CD209: variants seen among roughly 807,000 people sequenced by gnomAD.
CD209 encodes CD209 molecule, also known as CD209 antigen.
A neutral mutation model predicts 44.7 loss-of-function variants in CD209; 31 were observed. The observed-to-expected ratio is 0.69, with a 90% confidence interval of 0.52 to 0.94. The LOEUF is 0.94. Ranked by LOEUF, CD209 falls within the 40% of genes least tolerant of loss-of-function variation. CD209 has a pLI of 0.00. For missense variants in CD209, 407 were observed against 452.4 expected (o/e 0.90, Z 0.91); for synonymous variants, 173 against 181.3 (o/e 0.95, Z 0.37).
Position 7,740,917 on chromosome 19 carries a change from T to A in CD209, c.*2122A>T. ...ACATGGCAAAACCCGGAACCCCCCCTTGGATTTCAGAGTCATGGAGAAGGA... is the reference window on the plus strand; with the variant it reads ...ACATGGCAAAACCCGGAACCCCCCCATGGATTTCAGAGTCATGGAGAAGGA... On this transcript the variant is annotated 3_prime_UTR_variant, in exon 7 of 7. Coordinates refer to ENST00000315599, the MANE Select transcript of CD209 (RefSeq NM_021155.4). 1 of 729,822 alleles carries A rather than the reference T, an allele frequency of 1.4e-6. No homozygotes were observed. The highest frequency in any genetic ancestry group is 2.5e-6 in the Non-Finnish European group (1 of 398,226). 45.2% of individuals were successfully genotyped at this position (729,822 alleles called of 1,614,324 possible).
At chr19:7,745,199 A>T (rs929553977) in intron 4 of CD209, 107 bp from the exon 5 acceptor site, 1 of 1,444,826 alleles carries the variant, frequency 6.9e-7, no homozygotes, top group African/African-American at 1.4e-5. Flanking sequence ...TTGACTGTCC[A>T]CGCCGGGTAG....
In CD209 at chr19:7,741,104, G is replaced by A; in HGVS notation, c.*1935C>T. The stretch of plus-strand genomic sequence containing the variant: ...AGGGATGACTATGACTCCGAAGCAA[G>A]CCTGGAGTACAGCGAGGAAGAAACC... On this transcript the variant is annotated 3_prime_UTR_variant, in exon 7 of 7. Coordinates refer to ENST00000315599, the MANE Select transcript of CD209 (RefSeq NM_021155.4). The A allele has an allele frequency of 9.8e-7, 1 of 1,022,718 alleles. No individual in the cohort carries two copies. 63.4% of individuals were successfully genotyped at this position (1,022,718 alleles called of 1,614,324 possible). A position where few individuals can be genotyped will look rare whatever the true frequency, so the allele number is the denominator to read the frequency against.
chr19:7,744,294 G>T, intron 5 of CD209, 75 bp from the exon 6 acceptor site: 2 of 1,154,556 alleles, frequency 1.7e-6, no homozygotes, highest in Non-Finnish European at 2.6e-6. Flanking sequence ...TCTCTTGGTA[G>T]GAAGTTCTGC....
In CD209 at chr19:7,743,263, G is replaced by T. The variant is rs764405668; in HGVS notation, c.1014-23C>A. ...AAGCTGCAAAGCCCATGCGGAATGT[G>T]AGCCTCTGTCCCCGCCAGCTACATG... On this transcript the variant is annotated intron_variant, in intron 6 of 6. Coordinates refer to ENST00000315599, the MANE Select transcript of CD209 (RefSeq NM_021155.4). 1.9e-6 allele frequency: 3 copies of T among 1,603,830 alleles called. No individual in the cohort carries two copies. The Admixed American group carries it at 5.0e-5, about 27-fold the overall frequency.
chr19:7,743,198 C>T lies in CD209; in HGVS notation c.1056G>A (p.Gly352=). 6.2e-7 allele frequency: 1 copy of T among 1,614,144 alleles called. No individual in the cohort carries two copies. Among genetic ancestry groups the T allele is most frequent in the Non-Finnish European group, 8.5e-7 (1 of 1,180,008 alleles). Reference sequence around the variant, plus strand: ...CACTAAATTCCGCGCAGTCTTCCTCCCCAACGTTGTTGGGCTCTCCTCTGT... The same window carrying T: ...CACTAAATTCCGCGCAGTCTTCCTCTCCAACGTTGTTGGGCTCTCCTCTGT... ...YWNRGEPNNV[G]EEDCAEFSGN... is the part of the protein sequence containing the mutation. The change falls in exon 7 of 7, where the codon GGG becomes GGA. Residue 352 remains glycine (G), a synonymous_variant. Coordinates refer to ENST00000315599, the MANE Select transcript of CD209 (RefSeq NM_021155.4).
At position 7,740,972 on chromosome 19, in the gene CD209, C is replaced by A; in HGVS notation, c.*2067G>T. 1.4e-6 allele frequency: 1 copy of A among 707,500 alleles called. No individual in the cohort carries two copies. 43.8% of individuals were successfully genotyped at this position (707,500 alleles called of 1,614,324 possible). On this transcript the variant is annotated 3_prime_UTR_variant, in exon 7 of 7. Coordinates refer to ENST00000315599, the MANE Select transcript of CD209 (RefSeq NM_021155.4). Reference sequence around the variant, plus strand: ...GTTAATTGTCCCTTCTACAGTAAAACAGGAGCTTGCAGATTTGGAGATAGA... The same window carrying A: ...GTTAATTGTCCCTTCTACAGTAAAAAAGGAGCTTGCAGATTTGGAGATAGA...
At chr19:7,744,879 C>T in intron 5 of CD209, 62 bp downstream of exon 5, 1 of 1,596,666 alleles carries the variant, frequency 6.3e-7, no homozygotes, top group Non-Finnish European at 8.6e-7. Context: ...CTCTGAGCAC[C>T]TCCTCCCCAG....
intron 4 of CD209, among the ~76,000 whole-genome samples, 182 bp from the exon 5 acceptor site, chr19:7,745,274 C>T (rs1396688410): frequency 2.0e-5 from 3 of 152,152 alleles, no homozygotes; most frequent in East Asian, 1.9e-4. Flanking sequence ...AGTCCTGGCC[C>T]CATCTCCTCC....
Position 7,740,753 on chromosome 19 carries a change from G to A in CD209, c.*2286C>T. The A allele has an allele frequency of 1.3e-6, 1 of 764,640 alleles. No homozygotes were observed. Among genetic ancestry groups the A allele is most frequent in the South Asian group, 1.4e-5 (1 of 73,446 alleles). The allele number at this position is 764,640 out of a possible 1,614,324, so 47.4% of individuals were successfully genotyped here. ...TGGCTAGAAAACGGCAAGAACAAGA[G>A]CGAAAGTTAAAGGAACAATGGGAAG... On this transcript the variant is annotated 3_prime_UTR_variant, in exon 7 of 7. Transcript: ENST00000315599.
At position 7,742,393 on chromosome 19, in the gene CD209, G is replaced by T. The variant is rs1490747892; in HGVS notation, c.*646C>A. The stretch of plus-strand genomic sequence containing the variant: ...AATCACTTGAACCCGGGAGGCAGAG[G>T]TTGCAGTGAGCCAAGATCGCGCCAT... On this transcript the variant is annotated 3_prime_UTR_variant, in exon 7 of 7. Transcript: ENST00000315599. 2 of 152,552 alleles carry T rather than the reference G, an allele frequency of 1.3e-5. No individual in the cohort carries two copies. Among genetic ancestry groups the T allele is most frequent in the African/African-American group, 4.8e-5 (2 of 41,402 alleles). 9.4% of individuals were successfully genotyped at this position (152,552 alleles called of 1,614,324 possible).
At chr19:7,746,841 G>C (rs187012361) in intron 2 of CD209, among the ~76,000 whole-genome samples, 105 of 150,120 alleles carry the variant, frequency 7.0e-4, no homozygotes, top group African/African-American at 2.5e-3. Context: ...CACCTCCCCA[G>C]GACCCAGGGA....
chr19:7,743,968 C>T, intron 6 of CD209, 139 bp downstream of exon 6: 2 of 690,758 alleles, frequency 2.9e-6, no homozygotes, highest in Non-Finnish European at 4.9e-6. Context: ...GGTATGAAGA[C>T]CACCTTCCTC....
Position 7,741,708 on chromosome 19 carries a change from T to A in CD209, c.*1331A>T, listed in dbSNP as rs2033620620. ...CCAGTGGCTCGGTGGAAAATGATGA[T>A]TTGTGGTTTATTTGAAATACAACAA... is the stretch of plus-strand genomic sequence containing the variant. On this transcript the variant is annotated 3_prime_UTR_variant, in exon 7 of 7. Transcript: ENST00000315599. 2.9e-6 allele frequency: 2 copies of A among 689,884 alleles called. No homozygotes were observed. Among genetic ancestry groups the A allele is most frequent in the Admixed American group, 1.9e-5 (1 of 51,312 alleles). The allele number at this position is 689,884 out of a possible 1,614,324, so 42.7% of individuals were successfully genotyped here.
rs1339029400 is a variant in CD209, at chr19:7,741,851, T to C, written c.*1188A>G. The C allele has an allele frequency of 4.2e-6, 2 of 481,220 alleles. No homozygotes were observed. Among genetic ancestry groups the C allele is most frequent in the East Asian group, 5.0e-5 (1 of 20,044 alleles). The allele number at this position is 481,220 out of a possible 1,614,324, so 29.8% of individuals were successfully genotyped here. On this transcript the variant is annotated 3_prime_UTR_variant, in exon 7 of 7. Coordinates refer to ENST00000315599, the MANE Select transcript of CD209 (RefSeq NM_021155.4). ...GGAGAGAGAGGGTGGGCCACCACGATGAATACTACAGGCTGCGGGGAAGGA... is the reference window on the plus strand; with the variant it reads ...GGAGAGAGAGGGTGGGCCACCACGACGAATACTACAGGCTGCGGGGAAGGA...
At position 7,741,378 on chromosome 19, in the gene CD209, G is replaced by T; in HGVS notation, c.*1661C>A. On this transcript the variant is annotated 3_prime_UTR_variant, in exon 7 of 7. Coordinates refer to ENST00000315599, the MANE Select transcript of CD209 (RefSeq NM_021155.4). ...TTTTTGTACTTTTAGTGGAGTCCCAGCTACTCGGGAGGCTGAGGCAGGAGA... is the reference window on the plus strand; with the variant it reads ...TTTTTGTACTTTTAGTGGAGTCCCATCTACTCGGGAGGCTGAGGCAGGAGA... 1 of 382,872 alleles carries T rather than the reference G, an allele frequency of 2.6e-6. No individual in the cohort carries two copies. The highest frequency in any genetic ancestry group is 4.9e-6 in the Non-Finnish European group (1 of 205,432). 23.7% of individuals were successfully genotyped at this position (382,872 alleles called of 1,614,324 possible).
Position 7,741,667 on chromosome 19 carries a change from T to G in CD209, c.*1372A>C. 1 of 832,858 alleles carries G rather than the reference T, an allele frequency of 1.2e-6. No homozygotes were observed. The highest frequency in any genetic ancestry group is 1.3e-5 in the South Asian group (1 of 76,516). The allele number at this position is 832,858 out of a possible 1,614,324, so 51.6% of individuals were successfully genotyped here. ...ATGGTATGTACGCAGGACGACAGCT[T>G]CAGTGTGAATTCTGCCCAGTGGCTC... On this transcript the variant is annotated 3_prime_UTR_variant, in exon 7 of 7. Transcript: ENST00000315599.
In CD209 at chr19:7,742,800, G is replaced by A; in HGVS notation, c.*239C>T. 1.7e-6 allele frequency: 1 copy of A among 575,752 alleles called. No individual in the cohort carries two copies. The highest frequency in any genetic ancestry group is 2.2e-5 in the South Asian group (1 of 46,168). 35.7% of individuals were successfully genotyped at this position (575,752 alleles called of 1,614,324 possible). ...TAATCTCCAAAAGGAAGAGAGAGTG[G>A]ATTCTTGGAACACAAGTCCACCCCC... is the stretch of plus-strand genomic sequence containing the variant. On this transcript the variant is annotated 3_prime_UTR_variant, in exon 7 of 7. Transcript: ENST00000315599.
In CD209 at chr19:7,742,023, GC is replaced by G. The variant is rs1431117113; in HGVS notation, c.*1015del. On this transcript the variant is annotated 3_prime_UTR_variant, in exon 7 of 7. Transcript: ENST00000315599. ...AGTGACCGCAGCGGGGGCCGGTGCA[GC>G]CGCAGTGAGAACGGCCGGAGCCGTC... The G allele has an allele frequency of 3.3e-6, 1 of 306,030 alleles. No individual in the cohort carries two copies. The highest frequency in any genetic ancestry group is 6.7e-6 in the Non-Finnish European group (1 of 149,850). The allele number at this position is 306,030 out of a possible 1,614,324, so 19.0% of individuals were successfully genotyped here. A position where few individuals can be genotyped will look rare whatever the true frequency, so the allele number is the denominator to read the frequency against.
At position 7,744,206 on chromosome 19, in the gene CD209, A is replaced by G. The variant is rs2033721460; in HGVS notation, c.914T>C (p.Leu305Pro). 6 of 1,613,574 alleles carry G rather than the reference A, an allele frequency of 3.7e-6. No homozygotes were observed. Among genetic ancestry groups the G allele is most frequent in the Non-Finnish European group, 5.1e-6 (6 of 1,179,456 alleles). The change falls in exon 6 of 7, where the codon CTG (leucine) becomes CCG (proline). Residue 305 changes from leucine to proline, a missense_variant. Physicochemically the swap from Leu to Pro is moderately conservative, Grantham distance 98. Transcript: ENST00000315599. ...KSAEEQNFLQLQSSRSNRFTW... is the reference protein window; with the variant it reads ...KSAEEQNFLQPQSSRSNRFTW... Reference sequence around the variant, plus strand: ...GAAGCGGTTACTTCTGGAAGACTGCAGCTGTAGGAAGTTCTGGAGGGTACA... The same window carrying G: ...GAAGCGGTTACTTCTGGAAGACTGCGGCTGTAGGAAGTTCTGGAGGGTACA...
Sources: gnomAD v4.1 joint callset for allele counts (sites outside exome capture counted in the v4.1 genomes callset) on GRCh38, gnomAD v4.1.1 for gene constraint, MANE v1.5 for transcripts, NCBI Gene and HGNC (gene_info 2026-07-23, HGNC 2026-07-21) for gene names.